PTPRN2: variants seen among roughly 807,000 people sequenced by gnomAD.
The protein encoded by PTPRN2 is receptor-type tyrosine-protein phosphatase N2.
Under a neutral mutation model 118.8 loss-of-function variants are expected in PTPRN2, and 74 were observed. That is an observed-to-expected ratio of 0.62 (90% CI 0.52 to 0.76). The LOEUF is 0.76. Ranked by LOEUF, PTPRN2 falls within the 30% of genes least tolerant of loss-of-function variation. PTPRN2 has a pLI of 0.00. For missense variants in PTPRN2, 1,481 were observed against 1,394.4 expected (o/e 1.06, Z -0.99); for synonymous variants, 641 against 608.0 (o/e 1.05, Z -0.80).
At position 157,780,100 on chromosome 7, in the gene PTPRN2, G is replaced by A. The variant is rs2151050377; in HGVS notation, c.1789-97163C>T. On this transcript the variant is annotated intron_variant, in intron 12 of 22. Coordinates refer to ENST00000389418, the MANE Select transcript of PTPRN2 (RefSeq NM_002847.5). This position sits in a 1 kb window ranked among gnomAD's most constrained non-coding sequence, Gnocchi z 4.5. Reference sequence around the variant, plus strand: ...TCTGATTCGATACTTTATAATTAGGGCTCACTAGTGACGAGCAAAAGCCCG... The same window carrying A: ...TCTGATTCGATACTTTATAATTAGGACTCACTAGTGACGAGCAAAAGCCCG... Among the ~76,000 whole-genome samples, 2 of 152,220 alleles carry A rather than the reference G, an allele frequency of 1.3e-5. No individual in the cohort carries two copies. Among genetic ancestry groups the A allele is most frequent in the East Asian group, 3.9e-4 (2 of 5,182 alleles).
chr7:158,319,290 A>G (rs1031804506), intron 2 of PTPRN2, among the ~76,000 whole-genome samples: 1 of 77,316 alleles, frequency 1.3e-5, no homozygotes, highest in Non-Finnish European at 2.7e-5. Flanking sequence ...TCCCCAGTGC[A>G]TTGTTAATAG....
At chr7:158,176,666 C>T (rs1042260580) in intron 5 of PTPRN2, among the ~76,000 whole-genome samples, 13 of 152,278 alleles carry the variant, frequency 8.5e-5, no homozygotes, top group African/African-American at 2.2e-4. Flanking sequence ...GTCAGGATGA[C>T]GGTGGCCAGC....
chr7:157,655,590 T>C (rs1296273773), intron 14 of PTPRN2, among the ~76,000 whole-genome samples: 1 of 152,212 alleles, frequency 6.6e-6, no homozygotes, highest in Non-Finnish European at 1.5e-5. Flanking sequence ...CAGCCGCTGC[T>C]TCGGCCAAGC....
At chr7:157,965,830 C>T (rs1801885313) in intron 11 of PTPRN2, among the ~76,000 whole-genome samples, 1 of 152,194 alleles carries the variant, frequency 6.6e-6, no homozygotes, top group East Asian at 1.9e-4. Context: ...ATAAGAGCCC[C>T]CTCATTACCA....
intron 4 of PTPRN2, among the ~76,000 whole-genome samples, chr7:158,194,142 TAA>T (rs369379535): frequency 0.012 from 1,776 of 149,676 alleles, 36 homozygotes; most frequent in African/African-American, 0.041. Context: ...TGAGTTTGTG[TAA>T]GTGTGTGTGT....
intron 2 of PTPRN2, among the ~76,000 whole-genome samples, chr7:158,475,558 G>T (rs920299782): frequency 6.6e-6 from 1 of 151,210 alleles, no homozygotes; most frequent in Admixed American, 6.6e-5. Context: ...GGGAGGGCAC[G>T]CCCGCCTCCA....
rs78413068 is a variant in PTPRN2 at position 157,813,641 on chromosome 7, C to T, written c.1788+85032G>A. ...TGCCTCTGGGCGGGTCCGGGGGAGT[C>T]GCATTTCTTCCTCACTGCATCGCTG... On this transcript the variant is annotated intron_variant, in intron 12 of 22. Coordinates refer to ENST00000389418, the MANE Select transcript of PTPRN2 (RefSeq NM_002847.5). The surrounding 1 kb of genome is among the most constrained non-coding windows in gnomAD (Gnocchi z 4.7). 1.3e-5 allele frequency among the ~76,000 whole-genome samples: 2 copies of T among 151,910 alleles called. No homozygotes were observed. The highest frequency in any genetic ancestry group is 2.9e-5 in the Non-Finnish European group (2 of 68,030).
At position 157,831,328 on chromosome 7, in the gene PTPRN2, T is replaced by A. The variant is rs1019629143; in HGVS notation, c.1788+67345A>T. Among the ~76,000 whole-genome samples the A allele has an allele frequency of 1.3e-5, 2 of 152,172 alleles. No homozygotes were observed. Among genetic ancestry groups the A allele is most frequent in the Non-Finnish European group, 2.9e-5 (2 of 68,024 alleles). On this transcript the variant is annotated intron_variant, in intron 12 of 22. Coordinates refer to ENST00000389418, the MANE Select transcript of PTPRN2 (RefSeq NM_002847.5). This position sits in a 1 kb window ranked among gnomAD's most constrained non-coding sequence, Gnocchi z 4.8. ...CACTCCTCCTCCAGGTGTCCCGCCA[T>A]GTGCAGCCGTGAATATCCTGTAGTC...
rs541616095 is a variant in PTPRN2 at position 157,685,293 on chromosome 7, C to T, written c.1789-2356G>A. On this transcript the variant is annotated intron_variant, in intron 12 of 22. Transcript: ENST00000389418. ...CGGCGTCGGGAGGACACCGCGCGCTCACGTGGATGACTGCGCCCGGGAACA... is the reference window on the plus strand; with the variant it reads ...CGGCGTCGGGAGGACACCGCGCGCTTACGTGGATGACTGCGCCCGGGAACA... Among the ~76,000 whole-genome samples, 8 of 151,978 alleles carry T rather than the reference C, an allele frequency of 5.3e-5. No homozygotes were observed. In the South Asian group the frequency reaches 1.7e-3, roughly 31 times the overall value.
chr7:158,103,609 C>A (rs1179709922), intron 10 of PTPRN2, among the ~76,000 whole-genome samples: 1 of 152,216 alleles, frequency 6.6e-6, no homozygotes, highest in Non-Finnish European at 1.5e-5. Flanking sequence ...AGAACCTTCT[C>A]TAGCACTGTC....
chr7:158,136,790 A>T, intron 7 of PTPRN2, 95 bp from the exon 8 acceptor site: 1 of 1,166,774 alleles, frequency 8.6e-7, no homozygotes, highest in Non-Finnish European at 1.3e-6. Context: ...ACCCCTCCAT[A>T]CGAAAGGTGA....
chr7:158,533,940 A>T (rs1254304697), intron 1 of PTPRN2, among the ~76,000 whole-genome samples: 1 of 152,214 alleles, frequency 6.6e-6, no homozygotes, highest in African/African-American at 2.4e-5. Flanking sequence ...TTTGCTGGGG[A>T]TGCCTTGCCT....
At chr7:158,058,505 C>T (rs1810006577) in intron 11 of PTPRN2, among the ~76,000 whole-genome samples, 1 of 83,194 alleles carries the variant, frequency 1.2e-5, no homozygotes, top group African/African-American at 6.1e-5. Context: ...TCCATCTGCA[C>T]ACGGTGAGAC....
In PTPRN2 at chr7:157,610,040, G is replaced by A. The variant is rs1029141348; in HGVS notation, c.2345-5965C>T. On this transcript the variant is annotated intron_variant, in intron 15 of 22. Transcript: ENST00000389418. The surrounding 1 kb of genome is among the most constrained non-coding windows in gnomAD (Gnocchi z 5.1). Reference sequence around the variant, plus strand: ...GGAAGACTCCTCTGCCCGGAACATCGTCTTGCTACACAGATCCCTGAGGAC... The same window carrying A: ...GGAAGACTCCTCTGCCCGGAACATCATCTTGCTACACAGATCCCTGAGGAC... Among the ~76,000 whole-genome samples, 9 of 152,288 alleles carry A rather than the reference G, an allele frequency of 5.9e-5. No homozygotes were observed. The highest frequency in any genetic ancestry group is 9.6e-5 in the African/African-American group (4 of 41,556).
intron 17 of PTPRN2, among the ~76,000 whole-genome samples, chr7:157,588,789 G>A (rs1267278512): frequency 1.3e-5 from 2 of 152,094 alleles, no homozygotes; most frequent in East Asian, 3.9e-4. Context: ...TATCTGTGAG[G>A]AGTGTGTATG....
At chr7:158,556,439 AG>A (rs1247964253) in intron 1 of PTPRN2, among the ~76,000 whole-genome samples, 3 of 152,120 alleles carry the variant, frequency 2.0e-5, no homozygotes, top group African/African-American at 7.2e-5. Flanking sequence ...CTGTAATCCC[AG>A]CTACTCAGGA....
At chr7:158,337,333 A>G (rs1448127720) in intron 2 of PTPRN2, among the ~76,000 whole-genome samples, 2 of 149,214 alleles carry the variant, frequency 1.3e-5, no homozygotes, top group Non-Finnish European at 1.5e-5. Flanking sequence ...CCACACTGTC[A>G]CCCTAAGAGG....
At chr7:158,276,272 CAACA>C in intron 3 of PTPRN2, among the ~76,000 whole-genome samples, 1 of 50,576 alleles carries the variant, frequency 2.0e-5, no homozygotes, top group African/African-American at 4.9e-5. Flanking sequence ...ACTCTGGCCC[CAACA>C]GGCTGTAAGG....
chr7:157,712,120 G>C (rs1342004753), intron 12 of PTPRN2, among the ~76,000 whole-genome samples: 3 of 150,950 alleles, frequency 2.0e-5, no homozygotes, highest in Non-Finnish European at 3.0e-5. Flanking sequence ...CGTCGTGGAA[G>C]GGGGGCTGGG....
Sources: allele counts gnomAD v4.1 joint callset (sites outside exome capture counted in the v4.1 genomes callset), GRCh38; gene constraint gnomAD v4.1.1; non-coding constraint Gnocchi (gnomAD v3.1); transcripts MANE v1.5; gene names NCBI Gene and HGNC (gene_info 2026-07-23, HGNC 2026-07-21).